The following FAM153A variants were observed in gnomAD, a reference collection of about 807,000 sequenced individuals.
The protein encoded by FAM153A is family with sequence similarity 153 member A.
FAM153A carries 12 observed loss-of-function variants against 48.1 expected under a neutral mutation model. The ratio of observed to expected loss-of-function variants is 0.25; its 90% confidence interval spans 0.16 to 0.40. The LOEUF is 0.40. Among genes scored for constraint, FAM153A ranks in the 10% least tolerant of loss-of-function variants. The probability of loss-of-function intolerance (pLI) is 1.00; values close to 1 mark genes in which losing one functional copy is unlikely to be tolerated. For missense variants in FAM153A, 111 were observed against 345.8 expected (o/e 0.32, Z 5.38); for synonymous variants, 36 against 118.2 (o/e 0.30, Z 4.51).
At chr5:177,715,082 C>T (rs1443247065) in intron 25 of FAM153A, among the ~76,000 whole-genome samples, 1 of 140,296 alleles carries the variant, frequency 7.1e-6, no homozygotes, top group African/African-American at 2.5e-5. Context: ...AGGATGTCAA[C>T]AAAACTGTTC....
intron 1 of FAM153A, among the ~76,000 whole-genome samples, chr5:177,765,333 T>G (rs1401978576): frequency 9.6e-6 from 1 of 104,706 alleles, no homozygotes; most frequent in Non-Finnish European, 2.0e-5. Context: ...TCGGAACACC[T>G]GGATTAAGTC....
chr5:177,715,939 G>A (rs540538440), intron 25 of FAM153A, among the ~76,000 whole-genome samples: 25 of 151,352 alleles, frequency 1.7e-4, no homozygotes, highest in Admixed American at 1.5e-3. Flanking sequence ...GCCTCTAAAA[G>A]TGCTGGGATT....
At chr5:177,737,467 C>T (rs1033344396) in intron 10 of FAM153A, among the ~76,000 whole-genome samples, 4 of 151,028 alleles carry the variant, frequency 2.6e-5, no homozygotes, top group Non-Finnish European at 5.9e-5. Flanking sequence ...GAGGTCATTT[C>T]CTCCCCAGGA....
At chr5:177,710,979 A>G (rs1425952259), downstream of FAM153A, 2 of 151,840 alleles carry the variant, frequency 1.3e-5, no homozygotes, top group African/African-American at 2.4e-5. Context: ...TTGTTACCAA[A>G]CTTCAAGGAT....
chr5:177,706,154 T>TG (rs1350190045), downstream of FAM153A, among the ~76,000 whole-genome samples: 2 of 151,616 alleles, frequency 1.3e-5, no homozygotes, highest in African/African-American at 2.4e-5. Flanking sequence ...AAAATAATCT[T>TG]GAAAAAAAGA....
chr5:177,715,381 G>GAT (rs2127564766), intron 25 of FAM153A, among the ~76,000 whole-genome samples: 1 of 150,764 alleles, frequency 6.6e-6, no homozygotes, highest in East Asian at 1.9e-4. Context: ...CACTCAATAA[G>GAT]ATAAGAAAGC....
downstream of FAM153A, among the ~76,000 whole-genome samples, chr5:177,718,831 T>C (rs60460280): frequency 0.02 from 3,024 of 149,680 alleles, 107 homozygotes; most frequent in African/African-American, 0.07. Context: ...AAGTAGTGAC[T>C]AAACAATTTG....
chr5:177,706,302 T>A (rs1460513020), downstream of FAM153A, among the ~76,000 whole-genome samples: 1 of 151,786 alleles, frequency 6.6e-6, no homozygotes, highest in African/African-American at 2.4e-5. Flanking sequence ...GTCCACGCCA[T>A]TCTCCTGCCT....
At chr5:177,772,317 C>T (rs1344139011) in intron 1 of FAM153A, among the ~76,000 whole-genome samples, 1 of 84,900 alleles carries the variant, frequency 1.2e-5, no homozygotes, top group African/African-American at 4.9e-5. Flanking sequence ...ACGCAGAAGA[C>T]GGGTGATTTC....
chr5:177,732,592 C>T lies in FAM153A; in HGVS notation c.761-492G>A, dbSNP rs1764019507. Among the ~76,000 whole-genome samples, 2 of 91,614 alleles carry T rather than the reference C, an allele frequency of 2.2e-5. 1 individual carries two copies. Among genetic ancestry groups the T allele is most frequent in the African/African-American group, 8.6e-5 (2 of 23,204 alleles). 60.1% of individuals were successfully genotyped at this position (91,614 alleles called of 152,430 possible). Reference sequence around the variant, plus strand: ...ATGGTGCCATCTCGACCCACCACAACCTGTGCCACCTGGGTTCAAGGGATT... The same window carrying T: ...ATGGTGCCATCTCGACCCACCACAATCTGTGCCACCTGGGTTCAAGGGATT... On this transcript the variant is annotated intron_variant, in intron 14 of 20. Coordinates refer to ENST00000614127, the Ensembl canonical transcript of FAM153A.
downstream of FAM153A, among the ~76,000 whole-genome samples, chr5:177,703,522 G>A (rs375763297): frequency 0.074 from 10,952 of 148,780 alleles, 326 homozygotes; most frequent in Non-Finnish European, 0.084. Flanking sequence ...TAAGACTTTA[G>A]GGGACTGTTG....
chr5:177,753,556 A>G (rs1767325489), upstream of FAM153A, among the ~76,000 whole-genome samples: 1 of 151,132 alleles, frequency 6.6e-6, no homozygotes, highest in Non-Finnish European at 1.5e-5. Flanking sequence ...AGAAAAGCTA[A>G]TACATTGAGA....
downstream of FAM153A, among the ~76,000 whole-genome samples, chr5:177,704,557 T>C (rs1189650769): frequency 4.1e-5 from 6 of 146,600 alleles, no homozygotes; most frequent in African/African-American, 1.3e-4. Context: ...TGGGAGGTGA[T>C]TGGACCATGG....
upstream of FAM153A, among the ~76,000 whole-genome samples, chr5:177,755,268 G>T (rs915276825): frequency 1.1e-4 from 16 of 151,196 alleles, no homozygotes; most frequent in Non-Finnish European, 2.2e-4. Context: ...AATGAAGCGA[G>T]AAGAGAAGTT....
intron 1 of FAM153A, among the ~76,000 whole-genome samples, chr5:177,768,282 C>A (rs1768865182): frequency 6.6e-6 from 1 of 151,284 alleles, no homozygotes; most frequent in Non-Finnish European, 1.5e-5. Context: ...ATGCATTCAG[C>A]CATCTGGAAG....
chr5:177,717,677 G>T (rs1176101337), downstream of FAM153A, among the ~76,000 whole-genome samples: 1 of 135,976 alleles, frequency 7.4e-6, no homozygotes, highest in Non-Finnish European at 1.6e-5. Flanking sequence ...ATCTCCTGGT[G>T]TGAGGCGGTA....
Position 177,728,575 on chromosome 5 carries a change from G to GTT in FAM153A, c.964+446_964+447dup, listed in dbSNP as rs575030080. Among the ~76,000 whole-genome samples, 40 of 138,008 alleles carry GTT rather than the reference G, an allele frequency of 2.9e-4. 1 individual carries two copies. The highest frequency in any genetic ancestry group is 8.8e-4 in the Admixed American group (12 of 13,640). The allele number at this position is 138,008 out of a possible 152,430, so 90.5% of individuals were successfully genotyped here. On this transcript the variant is annotated intron_variant, in intron 18 of 20. Transcript: ENST00000614127. ...GGTGTTTTTTTTTTTGTTTGTTTTT[G>GTT]TTTTTTTTTTTGAGACGGAGTTTCG...
upstream of FAM153A, chr5:177,781,805 G>A (rs1582557095): frequency 1.0e-5 from 1 of 96,196 alleles, no homozygotes; most frequent in East Asian, 3.3e-4. Flanking sequence ...TGCAAGCTGC[G>A]CCTCCCGGGT....
intron 16 of FAM153A, among the ~76,000 whole-genome samples, chr5:177,730,287 T>A (rs1846654): frequency 1.7e-5 from 2 of 121,156 alleles, no homozygotes; most frequent in African/African-American, 5.4e-5. Flanking sequence ...AGGAGATTCC[T>A]GCAGGGAAAA....
Sources: gnomAD v4.1 joint callset for allele counts (sites outside exome capture counted in the v4.1 genomes callset) on GRCh38, gnomAD v4.1.1 for gene constraint, MANE v1.5 for transcripts, NCBI Gene and HGNC (gene_info 2026-07-23, HGNC 2026-07-21) for gene names.